The following HIBADH variants were observed in gnomAD, a reference collection of about 807,000 sequenced individuals.
HIBADH encodes the protein 3-hydroxyisobutyrate dehydrogenase, also known as 3-hydroxyisobutyrate dehydrogenase, mitochondrial.
HIBADH carries 25 observed loss-of-function variants against 36.1 expected under a neutral mutation model. That is an observed-to-expected ratio of 0.69 (90% CI 0.50 to 0.97). The LOEUF is 0.97. Ranked by LOEUF, HIBADH falls within the 50% of genes least tolerant of loss-of-function variation. The pLI, the probability that HIBADH is intolerant of heterozygous loss-of-function variation, is 0.00. For synonymous variants in HIBADH, 160 were observed against 149.5 expected, an observed-to-expected ratio of 1.07 and a Z score of -0.51; for missense variants, 421 against 418.0, an observed-to-expected ratio of 1.01 and a Z score of -0.06.
At position 27,637,335 on chromosome 7, in the gene HIBADH, A is replaced by C. The variant is rs542624463; in HGVS notation, c.253-4890T>G. Among the ~76,000 whole-genome samples the C allele has an allele frequency of 7.2e-5, 11 of 152,348 alleles. No individual in the cohort carries two copies. The East Asian group carries it at 2.1e-3, about 29-fold the overall frequency. ...TATATTTTTAAATCACTGCATTCGCAATTTATTGATTCAAAATTTCTAAAA... is the reference window on the plus strand; with the variant it reads ...TATATTTTTAAATCACTGCATTCGCCATTTATTGATTCAAAATTTCTAAAA... On this transcript the variant is annotated intron_variant, in intron 2 of 7. Coordinates refer to ENST00000265395, the MANE Select transcript of HIBADH (RefSeq NM_152740.4).
At chr7:27,651,105 A>G (rs1380094444) in intron 1 of HIBADH, among the ~76,000 whole-genome samples, 1 of 152,174 alleles carries the variant, frequency 6.6e-6, no homozygotes, top group Non-Finnish European at 1.5e-5. Context: ...ACAACTAATC[A>G]CAGTCCCTCT....
At chr7:27,633,828 C>T (rs1255701659) in intron 2 of HIBADH, among the ~76,000 whole-genome samples, 2 of 151,986 alleles carry the variant, frequency 1.3e-5, no homozygotes, top group East Asian at 1.9e-4. Flanking sequence ...TTTCTACATA[C>T]ATTATGCATG....
intron 2 of HIBADH, among the ~76,000 whole-genome samples, chr7:27,636,723 T>A (rs1257801697): frequency 6.6e-6 from 1 of 152,130 alleles, no homozygotes; most frequent in African/African-American, 2.4e-5. Context: ...ATCAGCAGCA[T>A]CTCCAAGGAA....
intron 4 of HIBADH, among the ~76,000 whole-genome samples, chr7:27,576,783 C>T (rs948080825): frequency 2.0e-5 from 3 of 152,222 alleles, no homozygotes; most frequent in African/African-American, 4.8e-5. Flanking sequence ...AAATTATGAT[C>T]GAGCACCTAT....
intron 4 of HIBADH, among the ~76,000 whole-genome samples, chr7:27,545,983 C>T (rs1028476257): frequency 6.6e-6 from 1 of 152,252 alleles, no homozygotes; most frequent in South Asian, 2.1e-4. Flanking sequence ...GTGCCACTTG[C>T]TGGCAAATTG....
intron 4 of HIBADH, among the ~76,000 whole-genome samples, chr7:27,625,851 C>A (rs1316624798): frequency 5.9e-5 from 9 of 152,212 alleles, no homozygotes; most frequent in African/African-American, 2.2e-4. Flanking sequence ...CCTGTATTCC[C>A]AGCACTTTGG....
At chr7:27,619,950 T>C (rs1278431919) in intron 4 of HIBADH, among the ~76,000 whole-genome samples, 1 of 152,196 alleles carries the variant, frequency 6.6e-6, no homozygotes, top group Non-Finnish European at 1.5e-5. Context: ...AATATTCAGA[T>C]ACAGGAGGTT....
chr7:27,583,433 CAACTTCAAAAA>C (rs148614486), intron 4 of HIBADH, among the ~76,000 whole-genome samples: 114,636 of 151,514 alleles, frequency 0.76, 43,784 homozygotes, highest in East Asian at 0.94. Context: ...ACTGTTATGA[CAACTTCAAAAA>C]AACTTTTTCT....
At chr7:27,584,671 G>A (rs117354381) in intron 4 of HIBADH, among the ~76,000 whole-genome samples, 1,572 of 152,062 alleles carry the variant, frequency 0.01, 21 homozygotes, top group Non-Finnish European at 0.013. Flanking sequence ...ACTGTAGCAG[G>A]ATCGTTTGGG....
intron 3 of HIBADH, among the ~76,000 whole-genome samples, 172 bp from the exon 4 acceptor site, chr7:27,629,664 A>C (rs924174868): frequency 5.6e-4 from 85 of 152,142 alleles, no homozygotes; most frequent in African/African-American, 2.0e-3. Flanking sequence ...TCTTTTTGAG[A>C]CCAATTGTAC....
At chr7:27,610,279 A>G (rs1264993346) in intron 4 of HIBADH, among the ~76,000 whole-genome samples, 1 of 152,200 alleles carries the variant, frequency 6.6e-6, no homozygotes, top group Non-Finnish European at 1.5e-5. Context: ...AAAGTATACA[A>G]TTTGGTGAGT....
At chr7:27,592,867 A>G (rs1379499324) in intron 4 of HIBADH, among the ~76,000 whole-genome samples, 4 of 152,186 alleles carry the variant, frequency 2.6e-5, no homozygotes, top group Admixed American at 2.6e-4. Flanking sequence ...ATGGTGAAAA[A>G]GGTCTTGATA....
At chr7:27,605,585 GC>G (rs1191924294) in intron 4 of HIBADH, among the ~76,000 whole-genome samples, 1 of 2,216 alleles carries the variant, frequency 4.5e-4, no homozygotes, top group Non-Finnish European at 8.3e-4. Flanking sequence ...GTTTAGACAA[GC>G]AAAAAAAAAA....
At chr7:27,579,066 A>G (rs6462033) in intron 4 of HIBADH, among the ~76,000 whole-genome samples, 121,162 of 152,154 alleles carry the variant, frequency 0.8, 48,692 homozygotes, top group East Asian at 0.97. Context: ...TGAAGAAACA[A>G]AACAACTAAA....
chr7:27,621,843 A>G (rs1028460784), intron 4 of HIBADH, among the ~76,000 whole-genome samples: 24 of 129,984 alleles, frequency 1.8e-4, no homozygotes, highest in Admixed American at 1.1e-3. Context: ...GCCACAATAA[A>G]ATATAACTAA....
At chr7:27,608,769 T>C (rs954663195) in intron 4 of HIBADH, among the ~76,000 whole-genome samples, 1 of 152,268 alleles carries the variant, frequency 6.6e-6, no homozygotes, top group Non-Finnish European at 1.5e-5. Context: ...TTCACCTTTA[T>C]ATAAACAGGG....
At chr7:27,642,955 G>A (rs1489398523) in intron 2 of HIBADH, among the ~76,000 whole-genome samples, 2 of 152,148 alleles carry the variant, frequency 1.3e-5, no homozygotes, top group Non-Finnish European at 2.9e-5. Flanking sequence ...CCGGCCAAAT[G>A]TCTAGTCTTT....
intron 4 of HIBADH, among the ~76,000 whole-genome samples, chr7:27,627,853 T>G (rs978628641): frequency 5.9e-5 from 9 of 152,178 alleles, no homozygotes; most frequent in African/African-American, 1.7e-4. Context: ...AACCAAAGTT[T>G]AAAAATTGCT....
chr7:27,607,195 C>A (rs1014525515), intron 4 of HIBADH, among the ~76,000 whole-genome samples: 34 of 152,248 alleles, frequency 2.2e-4, no homozygotes, highest in African/African-American at 7.9e-4. Flanking sequence ...TGTCATCAAA[C>A]CTTTCTAAAT....
Sources: gnomAD v4.1 joint callset for allele counts (sites outside exome capture counted in the v4.1 genomes callset) on GRCh38, gnomAD v4.1.1 for gene constraint, MANE v1.5 for transcripts, NCBI Gene and HGNC (gene_info 2026-07-23, HGNC 2026-07-21) for gene names.